Variants in ASIC2 observed in about 807,000 individuals in gnomAD.
The protein encoded by ASIC2 is acid-sensing ion channel 2.
Under a neutral mutation model 57.3 loss-of-function variants are expected in ASIC2, and 25 were observed. That is an observed-to-expected ratio of 0.44 (90% CI 0.32 to 0.61). The LOEUF is 0.61. Ranked by LOEUF, ASIC2 falls within the 20% of genes least tolerant of loss-of-function variation. The probability of loss-of-function intolerance (pLI) is 0.06; values close to 1 mark genes in which losing one functional copy is unlikely to be tolerated. For missense variants in ASIC2, 641 were observed against 738.1 expected, an observed-to-expected ratio of 0.87 and a Z score of 1.52; for synonymous variants, 319 against 307.5, an observed-to-expected ratio of 1.04 and a Z score of -0.39.
chr17:33,858,202 T>C (rs1914012593), intron 1 of ASIC2, among the ~76,000 whole-genome samples: 1 of 152,174 alleles, frequency 6.6e-6, no homozygotes, highest in Non-Finnish European at 1.5e-5. Context: ...TACCCAGAGG[T>C]AGGCACTGGG....
At chr17:33,801,894 C>T (rs1912143235) in intron 1 of ASIC2, among the ~76,000 whole-genome samples, 2 of 152,140 alleles carry the variant, frequency 1.3e-5, no homozygotes, top group Non-Finnish European at 1.5e-5. Flanking sequence ...TTTAACTTTC[C>T]ATCATCGCAG....
At chr17:33,886,454 G>C (rs1272787990) in intron 1 of ASIC2, among the ~76,000 whole-genome samples, 1 of 152,076 alleles carries the variant, frequency 6.6e-6, no homozygotes, top group African/African-American at 2.4e-5. Flanking sequence ...TACTGAGAAG[G>C]CTGTGATGAA....
intron 1 of ASIC2, among the ~76,000 whole-genome samples, chr17:33,229,498 C>T (rs1034389609): frequency 6.6e-6 from 1 of 152,150 alleles, no homozygotes; most frequent in African/African-American, 2.4e-5. Flanking sequence ...TGGGAGGACG[C>T]TCTTGGGCAA....
At chr17:33,553,004 G>A in intron 1 of ASIC2, among the ~76,000 whole-genome samples, 1 of 152,164 alleles carries the variant, frequency 6.6e-6, no homozygotes, top group Admixed American at 6.5e-5. Flanking sequence ...TAGAAGAGGG[G>A]CTCTGAGCAG....
At chr17:33,604,417 C>T (rs941475802) in intron 1 of ASIC2, among the ~76,000 whole-genome samples, 4 of 152,264 alleles carry the variant, frequency 2.6e-5, no homozygotes, top group South Asian at 4.1e-4. Flanking sequence ...GCTTTGCCCA[C>T]GTTTAGGTGC....
chr17:33,670,914 G>T (rs957870131), intron 1 of ASIC2, among the ~76,000 whole-genome samples: 1 of 152,210 alleles, frequency 6.6e-6, no homozygotes, highest in African/African-American at 2.4e-5. Flanking sequence ...CTCCCTCAAA[G>T]TGTTAAGCCT....
At chr17:33,492,731 T>C (rs1913800986) in intron 1 of ASIC2, among the ~76,000 whole-genome samples, 1 of 152,204 alleles carries the variant, frequency 6.6e-6, no homozygotes, top group African/African-American at 2.4e-5. Flanking sequence ...GGGGGACACA[T>C]CTCTACCATC....
At chr17:33,348,743 G>A (rs1908049005) in intron 1 of ASIC2, among the ~76,000 whole-genome samples, 1 of 152,088 alleles carries the variant, frequency 6.6e-6, no homozygotes, top group East Asian at 1.9e-4. Flanking sequence ...AGTCCCTTGG[G>A]AGAAGATGGG....
At chr17:33,250,736 G>T (rs576614498) in intron 1 of ASIC2, among the ~76,000 whole-genome samples, 1 of 152,164 alleles carries the variant, frequency 6.6e-6, no homozygotes, top group East Asian at 1.9e-4. Context: ...GTTACAGTGC[G>T]GAGGGGAGTC....
At chr17:34,011,085 G>GAACA (rs1906733193) in intron 1 of ASIC2, among the ~76,000 whole-genome samples, 1 of 36,900 alleles carries the variant, frequency 2.7e-5, no homozygotes, top group Non-Finnish European at 6.7e-5. Context: ...GCAGACACAT[G>GAACA]CACACACACA....
At chr17:33,746,075 A>G (rs1273000307) in intron 1 of ASIC2, among the ~76,000 whole-genome samples, 1 of 152,070 alleles carries the variant, frequency 6.6e-6, no homozygotes, top group Non-Finnish European at 1.5e-5. Context: ...TAAAGAAATG[A>G]TAACAGATGG....
chr17:34,061,866 A>T (rs962137361), intron 1 of ASIC2, among the ~76,000 whole-genome samples: 34 of 152,178 alleles, frequency 2.2e-4, no homozygotes, highest in African/African-American at 8.2e-4. Context: ...GAAGCTCCCA[A>T]ATTTATAAAA....
intron 1 of ASIC2, among the ~76,000 whole-genome samples, chr17:33,779,967 C>CTTTTTTTTTTTTTTTTTTTTTTTTT (rs759850922): frequency 1.2e-5 from 1 of 85,206 alleles, no homozygotes; most frequent in Non-Finnish European, 2.1e-5. Flanking sequence ...CTACAGAAGC[C>CTTTTTTTTTTTTTTTTTTTTTTTTT]TTTTTTTTTT....
At chr17:33,112,350 C>T (rs1411226317) in intron 1 of ASIC2, among the ~76,000 whole-genome samples, 1 of 152,188 alleles carries the variant, frequency 6.6e-6, no homozygotes, top group Non-Finnish European at 1.5e-5. Flanking sequence ...GTCCTGTTCA[C>T]TTCCAGGCAT....
intron 1 of ASIC2, among the ~76,000 whole-genome samples, chr17:33,290,501 C>T (rs1157418476): frequency 6.6e-6 from 1 of 152,264 alleles, no homozygotes; most frequent in Non-Finnish European, 1.5e-5. Context: ...AAGGCAGATA[C>T]CTTCTGTCCA....
intron 3 of ASIC2, among the ~76,000 whole-genome samples, chr17:33,049,616 C>T (rs1281538133): frequency 2.6e-5 from 4 of 152,180 alleles, no homozygotes; most frequent in Non-Finnish European, 5.9e-5. Context: ...TGGAACACAG[C>T]TGGTGCTCAG....
At chr17:33,061,717 G>C (rs2141940100) in intron 3 of ASIC2, among the ~76,000 whole-genome samples, 1 of 152,266 alleles carries the variant, frequency 6.6e-6, no homozygotes, top group East Asian at 1.9e-4. Flanking sequence ...CTATTGATTG[G>C]AATAGTTTCG....
chr17:33,492,701 A>C (rs2141935623), intron 1 of ASIC2, among the ~76,000 whole-genome samples: 1 of 152,284 alleles, frequency 6.6e-6, no homozygotes, highest in Non-Finnish European at 1.5e-5. Flanking sequence ...CTGGCTTCTA[A>C]CATTGGCACT....
At chr17:33,047,238 G>A (rs930860760) in intron 3 of ASIC2, among the ~76,000 whole-genome samples, 16 of 152,168 alleles carry the variant, frequency 1.1e-4, no homozygotes, top group African/African-American at 3.9e-4. Flanking sequence ...TCTCAGAGTT[G>A]AGGGTGAATT....
Sources: allele counts gnomAD v4.1 joint callset (sites outside exome capture counted in the v4.1 genomes callset), GRCh38; gene constraint gnomAD v4.1.1; transcripts MANE v1.5; gene names NCBI Gene and HGNC (gene_info 2026-07-23, HGNC 2026-07-21).